Variants in PCDHA2 observed in about 807,000 individuals in gnomAD.
PCDHA2 encodes the protein protocadherin alpha 2.
Under a neutral mutation model 66.0 loss-of-function variants are expected in PCDHA2, and 58 were observed. The ratio of observed to expected loss-of-function variants is 0.88; its 90% CI spans 0.71 to 1.09. The LOEUF is 1.09. PCDHA2 is among the 50% of genes least tolerant of loss of function. The probability of loss-of-function intolerance (pLI) is 0.00; values close to 1 mark genes in which losing one functional copy is unlikely to be tolerated. For synonymous variants in PCDHA2, 634 were observed against 554.0 expected, an observed-to-expected ratio of 1.14 and a Z score of -2.03; for missense variants, 1,267 against 1,242.3, an observed-to-expected ratio of 1.02 and a Z score of -0.30.
Position 140,822,954 on chromosome 5 carries a change from C to A in PCDHA2, c.2388+25602C>A, listed in dbSNP as rs1554128965. ...CCTGCTCCCTAATGCCCCACGTTCC[C>A]TTCAAGCTGGTGTCCACCTTCAAGA... On this transcript the variant is annotated intron_variant, in intron 1 of 3. Coordinates refer to ENST00000526136, the MANE Select transcript of PCDHA2 (RefSeq NM_018905.3). The A allele has an allele frequency of 2.5e-6, 4 of 1,614,140 alleles. No individual in the cohort carries two copies. In the East Asian group the frequency reaches 8.9e-5, roughly 36 times the overall value.
intron 1 of PCDHA2, chr5:140,966,944 A>C: frequency 6.2e-7 from 1 of 1,603,894 alleles, no homozygotes; most frequent in Non-Finnish European, 8.5e-7. Context: ...GCTCGTGGGC[A>C]ACGTGGCTCG....
chr5:140,882,036 G>C, intron 1 of PCDHA2: 1 of 646,228 alleles, frequency 1.5e-6, no homozygotes. Context: ...AAAATATGAA[G>C]ACTGAGTCAT....
chr5:140,927,529 C>G, intron 1 of PCDHA2: 2 of 1,614,098 alleles, frequency 1.2e-6, no homozygotes, highest in South Asian at 1.1e-5. Flanking sequence ...GCTACCTGCC[C>G]GCTCAGGAGA....
At chr5:140,878,693 C>A (rs932928385) in intron 1 of PCDHA2, among the ~76,000 whole-genome samples, 6 of 152,254 alleles carry the variant, frequency 3.9e-5, no homozygotes, top group South Asian at 2.1e-4. Flanking sequence ...TCTTACATAC[C>A]CCAGCCTGGT....
chr5:140,823,797 G>C, intron 1 of PCDHA2: 1 of 1,613,840 alleles, frequency 6.2e-7, no homozygotes, highest in Non-Finnish European at 8.5e-7. Flanking sequence ...GTGGCCAGGC[G>C]CCGAAGGCCT....
At chr5:140,969,930 C>T (rs1200018667) in intron 1 of PCDHA2, among the ~76,000 whole-genome samples, 1 of 152,178 alleles carries the variant, frequency 6.6e-6, no homozygotes, top group Non-Finnish European at 1.5e-5. Flanking sequence ...AGTATTTAGA[C>T]ATCATACTGA....
intron 1 of PCDHA2, among the ~76,000 whole-genome samples, chr5:140,806,403 G>A (rs2149990509): frequency 6.6e-6 from 1 of 152,328 alleles, no homozygotes; most frequent in South Asian, 2.1e-4. Context: ...GAGCAAATGA[G>A]TTCCAATGAA....
In PCDHA2 at chr5:140,823,639, C is replaced by T. The variant is rs1207505503; in HGVS notation, c.2388+26287C>T. On this transcript the variant is annotated intron_variant, in intron 1 of 3. Coordinates refer to ENST00000526136, the MANE Select transcript of PCDHA2 (RefSeq NM_018905.3). Reference sequence around the variant, plus strand: ...GCCTGGCAGTGCGCGCATCCCGTTCCGCGTGGGGCTGTACACAGGCGAGAT... The same window carrying T: ...GCCTGGCAGTGCGCGCATCCCGTTCTGCGTGGGGCTGTACACAGGCGAGAT... 6 of 1,613,894 alleles carry T rather than the reference C, an allele frequency of 3.7e-6. No individual in the cohort carries two copies. In the Admixed American group the frequency reaches 8.3e-5, roughly 22 times the overall value.
chr5:140,961,366 C>A (rs1384222732), intron 1 of PCDHA2, among the ~76,000 whole-genome samples: 2 of 152,144 alleles, frequency 1.3e-5, no homozygotes, highest in Non-Finnish European at 2.9e-5. Context: ...CATTAGAATT[C>A]TCCTTCTAGT....
intron 1 of PCDHA2, among the ~76,000 whole-genome samples, chr5:140,932,087 A>G (rs1262295013): frequency 6.6e-6 from 1 of 151,918 alleles, no homozygotes; most frequent in African/African-American, 2.4e-5. Flanking sequence ...TCAGGAAAAC[A>G]TGGTTTTTAT....
intron 1 of PCDHA2, chr5:140,883,386 G>C (rs1554177993): frequency 6.2e-7 from 1 of 1,614,138 alleles, no homozygotes; most frequent in South Asian, 1.1e-5. Context: ...GCCCTAATCA[G>C]TGTGTCCGAT....
intron 1 of PCDHA2, among the ~76,000 whole-genome samples, chr5:140,893,840 T>C (rs548325710): frequency 6.6e-6 from 1 of 152,312 alleles, no homozygotes; most frequent in Non-Finnish European, 1.5e-5. Flanking sequence ...GCCATCCTGA[T>C]GCCCTACCTC....
At chr5:140,869,038 C>A in intron 1 of PCDHA2, 1 of 1,528,506 alleles carries the variant, frequency 6.5e-7, no homozygotes, top group South Asian at 1.3e-5. Context: ...GATTTTTAAC[C>A]TGAAACTGAA....
chr5:140,815,561 C>G (rs2126665588), intron 1 of PCDHA2: 1 of 151,632 alleles, frequency 6.6e-6, no homozygotes, highest in Non-Finnish European at 1.5e-5. Flanking sequence ...TTTTTCTGTA[C>G]TTTTGTCTTT....
rs538891766 is a variant in PCDHA2 at position 140,931,784 on chromosome 5, A to G, written c.2389-47165A>G. The stretch of plus-strand genomic sequence containing the variant: ...TTTACTTCTTCCTGTTCAATTACCT[A>G]TTGATCTGATCTTAATTCTTTAGAA... On this transcript the variant is annotated intron_variant, in intron 1 of 3. Transcript: ENST00000526136. Among the ~76,000 whole-genome samples, 13 of 152,080 alleles carry G rather than the reference A, an allele frequency of 8.5e-5. No homozygotes were observed. In the East Asian group the frequency reaches 1.9e-3, roughly 23 times the overall value.
chr5:140,968,363 G>A, intron 1 of PCDHA2: 1 of 1,614,090 alleles, frequency 6.2e-7, no homozygotes, highest in Non-Finnish European at 8.5e-7. Flanking sequence ...CAGCCTTTAT[G>A]CTGTCAACTC....
At chr5:140,862,065 G>T (rs2047192939) in intron 1 of PCDHA2, 1 of 155,768 alleles carries the variant, frequency 6.4e-6, no homozygotes, top group African/African-American at 2.4e-5. Flanking sequence ...TGCAACTGAT[G>T]TCTCCCCTAA....
intron 1 of PCDHA2, among the ~76,000 whole-genome samples, chr5:140,918,819 TG>T (rs2078870306): frequency 1.6e-5 from 1 of 61,992 alleles, no homozygotes; most frequent in Admixed American, 1.3e-4. Flanking sequence ...AACCAAAAAG[TG>T]GCCCCCTCCC....
At chr5:140,811,576 C>T (rs1764908062) in intron 1 of PCDHA2, 1 of 152,250 alleles carries the variant, frequency 6.6e-6, no homozygotes, top group Admixed American at 6.5e-5. Flanking sequence ...AATCGCCACA[C>T]TGTCTTCCAC....
Sources: allele counts gnomAD v4.1 joint callset (sites outside exome capture counted in the v4.1 genomes callset), GRCh38; gene constraint gnomAD v4.1.1; transcripts MANE v1.5; gene names NCBI Gene and HGNC (gene_info 2026-07-23, HGNC 2026-07-21).